The following PRICKLE1 variants were observed in gnomAD, a reference collection of about 807,000 sequenced individuals.
PRICKLE1 encodes prickle-like protein 1.
PRICKLE1 carries 14 observed loss-of-function variants against 70.2 expected under a neutral mutation model. The observed-to-expected ratio is 0.20, with a 90% CI of 0.13 to 0.31. PRICKLE1 has a LOEUF of 0.31. Among genes scored for constraint, PRICKLE1 ranks in the 10% least tolerant of loss-of-function variants. The pLI is 1.00. For synonymous variants in PRICKLE1, 357 were observed against 379.9 expected (o/e 0.94, Z 0.70); for missense variants, 821 against 1,026.2 (o/e 0.80, Z 2.73).
chr12:42,553,165 G>A (rs1173276135), intron 1 of PRICKLE1, among the ~76,000 whole-genome samples: 6 of 151,740 alleles, frequency 4.0e-5, no homozygotes, highest in South Asian at 2.1e-4. Context: ...TTTCTCGGCC[G>A]GGCTTGGTGG....
At chr12:42,485,189 C>G (rs1046034944) in intron 1 of PRICKLE1, among the ~76,000 whole-genome samples, 5 of 147,254 alleles carry the variant, frequency 3.4e-5, no homozygotes, top group Non-Finnish European at 6.0e-5. Flanking sequence ...AAGTAAATCA[C>G]TCTGTGGCCA....
intron 1 of PRICKLE1, among the ~76,000 whole-genome samples, chr12:42,502,170 T>TAC (rs976361232): frequency 3.3e-5 from 5 of 151,334 alleles, no homozygotes; most frequent in African/African-American, 7.3e-5. Context: ...TATATATATA[T>TAC]ACACACACAC....
intron 7 of PRICKLE1, among the ~76,000 whole-genome samples, chr12:42,461,787 G>A (rs1937846001): frequency 6.6e-6 from 1 of 152,208 alleles, no homozygotes; most frequent in African/African-American, 2.4e-5. Flanking sequence ...GTCAACTGGA[G>A]ACTACATAAC....
chr12:42,537,645 T>G (rs1288182735), intron 1 of PRICKLE1, among the ~76,000 whole-genome samples: 1 of 152,208 alleles, frequency 6.6e-6, no homozygotes, highest in Non-Finnish European at 1.5e-5. Context: ...TACCAGACAG[T>G]GATTGAAGCC....
chr12:42,486,191 C>T (rs1470309149), intron 1 of PRICKLE1, among the ~76,000 whole-genome samples: 1 of 152,184 alleles, frequency 6.6e-6, no homozygotes, highest in Non-Finnish European at 1.5e-5. Context: ...GCTTCAACTC[C>T]CTAACTAAAA....
At chr12:42,485,251 T>G (rs1388598718) in intron 1 of PRICKLE1, 19 of 125,018 alleles carry the variant, frequency 1.5e-4, no homozygotes, top group African/African-American at 5.9e-4. Flanking sequence ...TTTTTTTTTT[T>G]TTTTTTTTTT....
intron 1 of PRICKLE1, among the ~76,000 whole-genome samples, chr12:42,489,223 GTATC>G (rs913222572): frequency 4.6e-5 from 7 of 151,418 alleles, no homozygotes; most frequent in South Asian, 2.1e-4. Flanking sequence ...ACGCCTGGCT[GTATC>G]TATCTATCTA....
intron 6 of PRICKLE1, chr12:42,465,735 T>G: frequency 3.5e-6 from 1 of 283,292 alleles, no homozygotes; most frequent in Non-Finnish European, 6.7e-6. Context: ...GTGATGTGCC[T>G]TACAGAGAAA....
At chr12:42,543,404 C>T (rs1009222941) in intron 1 of PRICKLE1, among the ~76,000 whole-genome samples, 1 of 148,420 alleles carries the variant, frequency 6.7e-6, no homozygotes, top group Non-Finnish European at 1.5e-5. Flanking sequence ...CACTATGTTG[C>T]CCAGGCTGCA....
chr12:42,465,956 G>C, intron 6 of PRICKLE1: 1 of 580,730 alleles, frequency 1.7e-6, no homozygotes. Context: ...CAATGGTTCA[G>C]TGTTCACTAA....
intron 1 of PRICKLE1, among the ~76,000 whole-genome samples, chr12:42,582,920 T>A (rs1940927752): frequency 6.6e-6 from 1 of 152,194 alleles, no homozygotes; most frequent in African/African-American, 2.4e-5. Flanking sequence ...GCCAAAAGGT[T>A]GGACACCCCT....
At chr12:42,549,009 T>C (rs775769766) in intron 1 of PRICKLE1, among the ~76,000 whole-genome samples, 1 of 151,114 alleles carries the variant, frequency 6.6e-6, no homozygotes, top group African/African-American at 2.4e-5. Flanking sequence ...TTCCCAGCTA[T>C]TTGGGAGGTT....
At chr12:42,563,751 C>G (rs1027850680) in intron 1 of PRICKLE1, among the ~76,000 whole-genome samples, 1 of 143,830 alleles carries the variant, frequency 7.0e-6, no homozygotes, top group African/African-American at 2.5e-5. Flanking sequence ...TGGCATGTAT[C>G]TGCAAGACAA....
intron 1 of PRICKLE1, chr12:42,483,748 C>G (rs1160191161): frequency 6.6e-6 from 1 of 151,152 alleles, no homozygotes; most frequent in Non-Finnish European, 1.5e-5. Context: ...CGCAGCGCGG[C>G]GATCCTCACC....
chr12:42,528,907 T>C (rs1939860443), intron 1 of PRICKLE1, among the ~76,000 whole-genome samples: 1 of 152,240 alleles, frequency 6.6e-6, no homozygotes, highest in Admixed American at 6.5e-5. Context: ...TAGAAAATAA[T>C]CCTTGTAGCA....
At chr12:42,460,942 C>A (rs1270564971) in intron 7 of PRICKLE1, among the ~76,000 whole-genome samples, 1 of 152,052 alleles carries the variant, frequency 6.6e-6, no homozygotes, top group Non-Finnish European at 1.5e-5. Context: ...AGTGCAATGG[C>A]GCTATCTCGG....
At chr12:42,534,269 G>C (rs1353158951) in intron 1 of PRICKLE1, among the ~76,000 whole-genome samples, 6 of 152,128 alleles carry the variant, frequency 3.9e-5, no homozygotes, top group African/African-American at 7.2e-5. Flanking sequence ...TTAGAGATGA[G>C]AGCCCGCCAG....
In PRICKLE1 at chr12:42,497,356, T is replaced by C. The variant is rs10880307; in HGVS notation, c.-48-24792A>G. On this transcript the variant is annotated intron_variant, in intron 1 of 7. Transcript: ENST00000345127. ...GTCAGGAGATCAAGATCATCCTGGC[T>C]AACACGGTGAAACCCTGTCTCTACT... Among the ~76,000 whole-genome samples, 205 of 151,760 alleles carry C rather than the reference T, an allele frequency of 1.4e-3. 1 individual carries two copies. The highest frequency in any genetic ancestry group is 4.2e-3 in the African/African-American group (172 of 41,400).
At chr12:42,562,549 T>A (rs1042836592) in intron 1 of PRICKLE1, among the ~76,000 whole-genome samples, 12 of 150,574 alleles carry the variant, frequency 8.0e-5, no homozygotes, top group Non-Finnish European at 1.6e-4. Flanking sequence ...TAAGAAAAAA[T>A]TAAAACTAAA....
Sources: allele counts gnomAD v4.1 joint callset (sites outside exome capture counted in the v4.1 genomes callset), GRCh38; gene constraint gnomAD v4.1.1; transcripts MANE v1.5; gene names NCBI Gene and HGNC (gene_info 2026-07-23, HGNC 2026-07-21).